The following KCNQ1 variants were observed in gnomAD, a reference collection of about 807,000 sequenced individuals.
KCNQ1 encodes the protein potassium voltage-gated channel subfamily Q member 1.
A neutral mutation model predicts 72.4 loss-of-function variants in KCNQ1; 49 were observed. That is an observed-to-expected ratio of 0.68 (90% CI 0.54 to 0.86). The LOEUF is 0.86. KCNQ1 is among the 40% of genes least tolerant of loss of function. The pLI is 0.00. For synonymous variants in KCNQ1, 450 were observed against 412.6 expected, an observed-to-expected ratio of 1.09 and a Z score of -1.10; for missense variants, 790 against 945.1, an observed-to-expected ratio of 0.84 and a Z score of 2.15.
chr11:2,699,989 C>T (rs1850768296), intron 11 of KCNQ1: 7 of 398,168 alleles, frequency 1.8e-5, no homozygotes, highest in East Asian at 3.6e-5. Context: ...ACGCGGCGAC[C>T]GTTCTGCCTG....
chr11:2,542,552 A>G (rs1287632544), intron 2 of KCNQ1, among the ~76,000 whole-genome samples: 2 of 152,234 alleles, frequency 1.3e-5, no homozygotes, highest in Non-Finnish European at 2.9e-5. Flanking sequence ...CATCACCACA[A>G]TTGAGACAGC....
intron 15 of KCNQ1, among the ~76,000 whole-genome samples, chr11:2,794,156 C>G (rs1049473407): frequency 1.3e-5 from 2 of 152,112 alleles, no homozygotes; most frequent in African/African-American, 2.4e-5. Flanking sequence ...GGATGCAGTT[C>G]CAGGAGTGGT....
chr11:2,456,029 T>C (rs1389966351), intron 1 of KCNQ1, among the ~76,000 whole-genome samples: 1 of 152,156 alleles, frequency 6.6e-6, no homozygotes, highest in Admixed American at 6.6e-5. Context: ...TCTATCACCA[T>C]ATACAAAAAT....
chr11:2,570,213 G>A (rs976910606), intron 2 of KCNQ1, among the ~76,000 whole-genome samples: 84 of 152,096 alleles, frequency 5.5e-4, no homozygotes, highest in Admixed American at 7.2e-4. Flanking sequence ...GGTTCCTGGC[G>A]TCGGACGCCC....
intron 11 of KCNQ1, chr11:2,689,579 C>T: frequency 2.5e-6 from 1 of 398,658 alleles, no homozygotes; most frequent in Non-Finnish European, 4.4e-6. Context: ...AATCTGTTAG[C>T]AGTGGTGTCT....
At chr11:2,812,242 G>GA (rs1050064041) in intron 15 of KCNQ1, among the ~76,000 whole-genome samples, 1 of 152,148 alleles carries the variant, frequency 6.6e-6, no homozygotes, top group Non-Finnish European at 1.5e-5. Flanking sequence ...TCACATACAT[G>GA]AAAAGCCTGA....
chr11:2,777,313 C>A (rs578163382), intron 14 of KCNQ1, among the ~76,000 whole-genome samples: 108 of 151,384 alleles, frequency 7.1e-4, no homozygotes, highest in Non-Finnish European at 1.4e-3. Flanking sequence ...GAAACATGAA[C>A]CCAGGGCAAC....
chr11:2,822,088 A>T (rs747549972), intron 15 of KCNQ1, among the ~76,000 whole-genome samples: 11 of 152,204 alleles, frequency 7.2e-5, no homozygotes, highest in African/African-American at 9.7e-5. Flanking sequence ...GAGAGGCTGA[A>T]GGTGCTGTGC....
intron 15 of KCNQ1, among the ~76,000 whole-genome samples, chr11:2,779,749 G>A (rs183620443): frequency 4.6e-5 from 7 of 152,330 alleles, no homozygotes; most frequent in Middle Eastern, 3.4e-3. Flanking sequence ...CCTTCCTGAC[G>A]TGCACAGCAG....
chr11:2,701,396 G>T (rs1022952197), intron 11 of KCNQ1, among the ~76,000 whole-genome samples: 2 of 152,066 alleles, frequency 1.3e-5, no homozygotes, highest in African/African-American at 4.8e-5. Flanking sequence ...CTGTCCCTTC[G>T]CACTGGCCCA....
At position 2,658,460 on chromosome 11, in the gene KCNQ1, G is replaced by C. The variant is rs1564847780; in HGVS notation, c.1394-3501G>C. The stretch of plus-strand genomic sequence containing the variant: ...GTGGGTTCATGTGTCCTTTTGATGT[G>C]CCCCCCGCCATCCTTTTCATTTATT... On this transcript the variant is annotated intron_variant, in intron 10 of 15. Coordinates refer to ENST00000155840, the MANE Select transcript of KCNQ1 (RefSeq NM_000218.3). This position sits in a 1 kb window ranked among gnomAD's most constrained non-coding sequence, Gnocchi z 4.9. 3 of 398,196 alleles carry C rather than the reference G, an allele frequency of 7.5e-6. No individual in the cohort carries two copies. The highest frequency in any genetic ancestry group is 4.4e-5 in the Admixed American group (1 of 22,690). The allele number at this position is 398,196 out of a possible 1,614,324, so 24.7% of individuals were successfully genotyped here. A position where few individuals can be genotyped will look rare whatever the true frequency, so the allele number is the denominator to read the frequency against.
At chr11:2,584,373 GTGTGTTTGTGTGTTAGTGTGTGGGTT>G (rs1848554046) in intron 7 of KCNQ1, among the ~76,000 whole-genome samples, 1 of 151,830 alleles carries the variant, frequency 6.6e-6, no homozygotes, top group African/African-American at 2.4e-5. Flanking sequence ...GTGTATGTTA[GTGTGTTTGTGTGTTAGTGTGTGGGTT>G]TGTGTTTGTG....
Position 2,662,007 on chromosome 11 carries a change from G to A in KCNQ1, c.1440G>A (p.Met480Ile), listed in dbSNP as rs1849966096. The change falls in exon 11 of 16, where the codon ATG becomes ATA. Residue 480 changes from methionine (M) to isoleucine (I), a missense_variant. By Grantham distance (10) the Met-to-Ile change is conservative. This residue lies in a region of KCNQ1 where 178 missense variants were observed against 177.9 expected (regional missense o/e 1.00). Coordinates refer to ENST00000155840, the MANE Select transcript of KCNQ1 (RefSeq NM_000218.3). The stretch of plus-strand genomic sequence containing the variant: ...TGGAAGTGAGCATGCCCCATTTCAT[G>A]AGAACCAACAGCTTCGCCGAGGACC... ...TLLEVSMPHFMRTNSFAEDLD... is the reference protein window; with the variant it reads ...TLLEVSMPHFIRTNSFAEDLD... 2 of 1,614,216 alleles carry A rather than the reference G, an allele frequency of 1.2e-6. No homozygotes were observed. The highest frequency in any genetic ancestry group is 1.7e-6 in the Non-Finnish European group (2 of 1,180,036).
Position 2,451,306 on chromosome 11 carries a change from A to G in KCNQ1, c.386+5822A>G, listed in dbSNP as rs1376045324. ...AGATCCCTTGTGTGCGCAGTTCACA[A>G]TAGGATTTGTGCTCCTGTGAGAATC... On this transcript the variant is annotated intron_variant, in intron 1 of 15. Transcript: ENST00000155840. The surrounding 1 kb of genome is among the most constrained non-coding windows in gnomAD (Gnocchi z 6.4). 6.6e-6 allele frequency among the ~76,000 whole-genome samples: 1 copy of G among 152,138 alleles called. No individual in the cohort carries two copies. Among genetic ancestry groups the G allele is most frequent in the Non-Finnish European group, 1.5e-5 (1 of 68,012 alleles).
chr11:2,560,216 C>T (rs1188323670), intron 2 of KCNQ1, among the ~76,000 whole-genome samples: 3 of 51,114 alleles, frequency 5.9e-5, no homozygotes, highest in Non-Finnish European at 3.6e-5. Flanking sequence ...GGGACGGAGG[C>T]GTGACGTCCA....
At position 2,782,021 on chromosome 11, in the gene KCNQ1, G is replaced by T. The variant is rs947410216; in HGVS notation, c.1794+3984G>T. Among the ~76,000 whole-genome samples the T allele has an allele frequency of 2.0e-5, 3 of 152,090 alleles. No homozygotes were observed. The highest frequency in any genetic ancestry group is 7.2e-5 in the African/African-American group (3 of 41,386). On this transcript the variant is annotated intron_variant, in intron 15 of 15. Transcript: ENST00000155840. This position sits in a 1 kb window ranked among gnomAD's most constrained non-coding sequence, Gnocchi z 6.1. ...ACCCCAACCTCCAGGATGCAGGCAG[G>T]CCCAGCCTCCCAGAATTGGGTGTTT... is the stretch of plus-strand genomic sequence containing the variant.
At chr11:2,632,092 A>G (rs913875577) in intron 10 of KCNQ1, 3 of 393,574 alleles carry the variant, frequency 7.6e-6, no homozygotes, top group African/African-American at 6.3e-5. Context: ...CTGAAGCAGG[A>G]GAATGGCGTG....
intron 11 of KCNQ1, chr11:2,697,076 T>G (rs1348519026): frequency 2.5e-6 from 1 of 398,440 alleles, no homozygotes; most frequent in Non-Finnish European, 4.4e-6. Context: ...ATAATAATAC[T>G]CGACATTATT....
chr11:2,615,032 T>A, intron 10 of KCNQ1: 1 of 398,382 alleles, frequency 2.5e-6, no homozygotes, highest in Admixed American at 4.4e-5. Context: ...GAACACAGGA[T>A]GTATAGTTCT....
Sources: gnomAD v4.1 joint callset for allele counts (sites outside exome capture counted in the v4.1 genomes callset) on GRCh38, gnomAD v4.1.1 for gene constraint, gnomAD v4.1.1 regional missense constraint, Gnocchi (gnomAD v3.1) non-coding constraint, MANE v1.5 for transcripts, NCBI Gene and HGNC (gene_info 2026-07-23, HGNC 2026-07-21) for gene names.